Variants in RIMS2 observed in about 807,000 individuals in gnomAD.
RIMS2 encodes the protein regulating synaptic membrane exocytosis 2.
A neutral mutation model predicts 174.4 loss-of-function variants in RIMS2; 59 were observed. The ratio of observed to expected loss-of-function variants is 0.34; its 90% confidence interval spans 0.27 to 0.42. RIMS2 has a LOEUF of 0.42. Among genes scored for constraint, RIMS2 ranks in the 10% least tolerant of loss-of-function variants. The pLI, the probability that RIMS2 is intolerant of heterozygous loss-of-function variation, is 1.00. For synonymous variants in RIMS2, 606 were observed against 572.5 expected (o/e 1.06, Z -0.84); for missense variants, 1,620 against 1,666.3 (o/e 0.97, Z 0.48).
chr8:103,620,637 C>T (rs2095612470), intron 1 of RIMS2, among the ~76,000 whole-genome samples: 1 of 152,044 alleles, frequency 6.6e-6, no homozygotes, highest in Non-Finnish European at 1.5e-5. Context: ...TTAGACAGAC[C>T]TAGTCCCGAT....
chr8:103,507,993 T>TA (rs1824516851), intron 1 of RIMS2, among the ~76,000 whole-genome samples: 1 of 152,120 alleles, frequency 6.6e-6, no homozygotes, highest in African/African-American at 2.4e-5. Flanking sequence ...ATAACCATGG[T>TA]AAAAAATATG....
At chr8:103,921,617 T>A in intron 9 of RIMS2, 55 bp from the exon 13 acceptor site, 1 of 794,566 alleles carries the variant, frequency 1.3e-6, no homozygotes, top group South Asian at 1.4e-5. Flanking sequence ...CAAAACTTAC[T>A]AAATACTTGT....
intron 20 of RIMS2, among the ~76,000 whole-genome samples, chr8:104,246,276 T>C (rs1000149066): frequency 2.0e-5 from 3 of 152,250 alleles, no homozygotes; most frequent in Admixed American, 2.0e-4. Context: ...GCTAAGATTA[T>C]GGGCTTTGCA....
At chr8:103,840,045 T>A (rs1217281834) in intron 3 of RIMS2, among the ~76,000 whole-genome samples, 1 of 152,210 alleles carries the variant, frequency 6.6e-6, no homozygotes, top group East Asian at 1.9e-4. Flanking sequence ...AGCTTACCGC[T>A]TTCTCAAGAA....
chr8:103,572,413 A>G (rs111720243), intron 1 of RIMS2, among the ~76,000 whole-genome samples: 7 of 120,494 alleles, frequency 5.8e-5, no homozygotes, highest in African/African-American at 2.3e-4. Context: ...TGATTGGTCC[A>G]TTTTACAGAG....
chr8:104,225,708 G>A (rs114719503), intron 19 of RIMS2, among the ~76,000 whole-genome samples: 1,863 of 152,276 alleles, frequency 0.012, 36 homozygotes, highest in African/African-American at 0.043. Flanking sequence ...TCTACACATG[G>A]AAATTGGAAC....
intron 1 of RIMS2, among the ~76,000 whole-genome samples, chr8:103,528,605 C>T (rs1259719924): frequency 1.3e-5 from 2 of 152,198 alleles, no homozygotes; most frequent in African/African-American, 4.8e-5. Flanking sequence ...CAGCTTTCTA[C>T]ATATGGCTAG....
intron 3 of RIMS2, among the ~76,000 whole-genome samples, chr8:103,789,519 C>G (rs1048689211): frequency 1.3e-5 from 2 of 152,078 alleles, no homozygotes; most frequent in Non-Finnish European, 2.9e-5. Flanking sequence ...ATAATGTAAC[C>G]TAATAATGGG....
At chr8:103,648,905 T>C (rs961320984) in intron 1 of RIMS2, among the ~76,000 whole-genome samples, 3 of 152,200 alleles carry the variant, frequency 2.0e-5, no homozygotes, top group African/African-American at 7.2e-5. Context: ...CTTGCAATTT[T>C]GTGTCTTTTA....
intron 1 of RIMS2, among the ~76,000 whole-genome samples, chr8:103,592,730 A>G: frequency 6.6e-6 from 1 of 151,422 alleles, no homozygotes; most frequent in East Asian, 1.9e-4. Context: ...ACACAAGAAT[A>G]AGGTATTAGC....
chr8:103,822,763 A>C (rs1311227089), intron 3 of RIMS2, among the ~76,000 whole-genome samples: 1 of 151,908 alleles, frequency 6.6e-6, no homozygotes, highest in Non-Finnish European at 1.5e-5. Flanking sequence ...ATGAAATGCC[A>C]CTTTAGTTTA....
chr8:103,633,788 A>G (rs1301136787), intron 1 of RIMS2, among the ~76,000 whole-genome samples: 2 of 152,054 alleles, frequency 1.3e-5, no homozygotes, highest in African/African-American at 2.4e-5. Flanking sequence ...GAATTTATCC[A>G]TCTCTTCTGA....
intron 22 of RIMS2, among the ~76,000 whole-genome samples, chr8:104,249,822 C>T (rs1447691298): frequency 6.6e-6 from 1 of 152,072 alleles, no homozygotes; most frequent in Non-Finnish European, 1.5e-5. Flanking sequence ...TAGTAGAAAC[C>T]ACTGCAAAAT....
At chr8:103,921,881 A>C in intron 10 of RIMS2, 97 bp downstream of exon 13, 2 of 531,412 alleles carry the variant, frequency 3.8e-6, no homozygotes, top group Non-Finnish European at 6.7e-6. Context: ...TTCCTAGAAC[A>C]TAATTGTGCT....
intron 3 of RIMS2, among the ~76,000 whole-genome samples, chr8:103,874,863 A>G (rs2099128314): frequency 6.6e-6 from 1 of 152,076 alleles, no homozygotes; most frequent in Non-Finnish European, 1.5e-5. Flanking sequence ...TTGAAATTTA[A>G]CAACCTTCTT....
At position 103,783,301 on chromosome 8, in the gene RIMS2, G is replaced by T. The variant is rs534178983; in HGVS notation, c.698+16764G>T. Among the ~76,000 whole-genome samples the T allele has an allele frequency of 6.2e-3, 925 of 149,488 alleles. 11 individuals are homozygous for T. Among genetic ancestry groups the T allele is most frequent in the African/African-American group, 0.022 (872 of 40,544 alleles). ...TTTTTTTATTATACTTTAAGTTTTA[G>T]GGTACATGTGCACATTGTGCAGGTT... On this transcript the variant is annotated intron_variant, in intron 3 of 23. Transcript: ENST00000504942.
chr8:104,029,713 T>C (rs936613094), intron 19 of RIMS2, among the ~76,000 whole-genome samples: 1 of 152,184 alleles, frequency 6.6e-6, no homozygotes, highest in African/African-American at 2.4e-5. Flanking sequence ...GTGTACTCAA[T>C]CTTGCTTCAG....
intron 2 of RIMS2, among the ~76,000 whole-genome samples, chr8:103,699,270 A>G (rs1259788379): frequency 6.6e-6 from 1 of 152,210 alleles, no homozygotes; most frequent in Admixed American, 6.5e-5. Flanking sequence ...TCTGTTGCCC[A>G]GGCTGGATTG....
chr8:104,061,660 T>C (rs1360383876), intron 19 of RIMS2, among the ~76,000 whole-genome samples: 1 of 150,362 alleles, frequency 6.7e-6, no homozygotes, highest in African/African-American at 2.4e-5. Flanking sequence ...AAAATTGTTC[T>C]AAGCTATGCT....
Sources: allele counts gnomAD v4.1 joint callset (sites outside exome capture counted in the v4.1 genomes callset), GRCh38; gene constraint gnomAD v4.1.1; transcripts MANE v1.5; gene names NCBI Gene and HGNC (gene_info 2026-07-23, HGNC 2026-07-21).